Variants in EXOC6B observed in about 807,000 individuals in gnomAD.
EXOC6B encodes the protein exocyst complex component 6B, also known as SEC15 homolog B.
In EXOC6B, 54 loss-of-function variants were observed where a neutral mutation model predicts 113.5. That is an observed-to-expected ratio of 0.48 (90% CI 0.38 to 0.60). The LOEUF is 0.60. Among genes scored for constraint, EXOC6B ranks in the 20% least tolerant of loss-of-function variants. The pLI, the probability that EXOC6B is intolerant of heterozygous loss-of-function variation, is 0.00. For missense variants in EXOC6B, 797 were observed against 977.5 expected (o/e 0.82, Z 2.46); for synonymous variants, 357 against 339.0 (o/e 1.05, Z -0.58).
At chr2:72,536,589 G>A (rs1250468596) in intron 8 of EXOC6B, among the ~76,000 whole-genome samples, 1 of 152,090 alleles carries the variant, frequency 6.6e-6, no homozygotes, top group Admixed American at 6.5e-5. Flanking sequence ...CATTCCTCCA[G>A]TAATGAATAC....
At chr2:72,441,422 C>A (rs1696192368) in intron 18 of EXOC6B, among the ~76,000 whole-genome samples, 1 of 149,936 alleles carries the variant, frequency 6.7e-6, no homozygotes, top group Non-Finnish European at 1.5e-5. Context: ...GATAGAGAAC[C>A]AAAAAACCAT....
intron 20 of EXOC6B, among the ~76,000 whole-genome samples, chr2:72,210,247 A>G (rs1680104089): frequency 6.6e-6 from 1 of 152,232 alleles, no homozygotes; most frequent in South Asian, 2.1e-4. Context: ...TTAAGAAAGG[A>G]GAAAATACAA....
At chr2:72,460,972 T>C (rs540467678) in intron 18 of EXOC6B, among the ~76,000 whole-genome samples, 22 of 151,448 alleles carry the variant, frequency 1.5e-4, no homozygotes, top group African/African-American at 5.1e-4. Flanking sequence ...TGTCCAACAA[T>C]GATAGACTGG....
At position 72,648,234 on chromosome 2, in the gene EXOC6B, T is replaced by C. The variant is rs142639975; in HGVS notation, c.669+69869A>G. On this transcript the variant is annotated intron_variant, in intron 6 of 21. Transcript: ENST00000272427. ...GCAAATCAAAACCACAATGAAATAT[T>C]TTCTCACACCAGTTGGAATGGCGAT... Among the ~76,000 whole-genome samples the C allele has an allele frequency of 2.4e-3, 370 of 152,208 alleles. 1 individual carries two copies. Among genetic ancestry groups the C allele is most frequent in the African/African-American group, 8.5e-3 (352 of 41,550 alleles).
chr2:72,478,855 A>G (rs994754021), intron 17 of EXOC6B, among the ~76,000 whole-genome samples: 12 of 152,210 alleles, frequency 7.9e-5, no homozygotes, highest in African/African-American at 2.7e-4. Flanking sequence ...TTATCTACTT[A>G]ACACTGAACT....
chr2:72,448,919 G>T (rs899524905), intron 18 of EXOC6B, among the ~76,000 whole-genome samples: 1 of 152,184 alleles, frequency 6.6e-6, no homozygotes, highest in Admixed American at 6.5e-5. Context: ...TGGGCCGATA[G>T]AGAGTGTCAT....
chr2:72,669,985 G>C (rs1217732244), intron 6 of EXOC6B, among the ~76,000 whole-genome samples: 3 of 152,206 alleles, frequency 2.0e-5, no homozygotes, highest in Non-Finnish European at 4.4e-5. Flanking sequence ...TGAACTTACA[G>C]AAATGTAACA....
intron 18 of EXOC6B, among the ~76,000 whole-genome samples, chr2:72,456,637 C>T (rs1182949509): frequency 6.6e-6 from 1 of 152,140 alleles, no homozygotes; most frequent in South Asian, 2.1e-4. Flanking sequence ...AAGTACATAT[C>T]CTCCTTGAGT....
chr2:72,630,785 A>G (rs1399207714), intron 6 of EXOC6B, among the ~76,000 whole-genome samples: 1 of 152,248 alleles, frequency 6.6e-6, no homozygotes, highest in Non-Finnish European at 1.5e-5. Context: ...TAATTAAACA[A>G]TTAAATAGTA....
intron 1 of EXOC6B, among the ~76,000 whole-genome samples, chr2:72,761,714 T>A (rs1171948035): frequency 1.3e-5 from 2 of 152,198 alleles, no homozygotes; most frequent in African/African-American, 4.8e-5. Context: ...ATCTATTGAC[T>A]GAGAATTTAC....
intron 8 of EXOC6B, among the ~76,000 whole-genome samples, chr2:72,528,964 A>G (rs1701865901): frequency 1.3e-5 from 2 of 152,148 alleles, no homozygotes; most frequent in African/African-American, 4.8e-5. Context: ...AGGATTTTCA[A>G]TATAGACAAT....
chr2:72,328,328 C>T (rs780283575), intron 20 of EXOC6B, among the ~76,000 whole-genome samples: 5 of 151,870 alleles, frequency 3.3e-5, no homozygotes, highest in Non-Finnish European at 7.4e-5. Context: ...TGTGTATCTG[C>T]GTACAGCAGA....
chr2:72,553,642 TG>T (rs1703367683), intron 8 of EXOC6B, among the ~76,000 whole-genome samples: 1 of 152,012 alleles, frequency 6.6e-6, no homozygotes, highest in Non-Finnish European at 1.5e-5. Context: ...AATCACTAAG[TG>T]ACATACAGAT....
intron 20 of EXOC6B, among the ~76,000 whole-genome samples, chr2:72,306,579 G>A (rs1262994821): frequency 3.3e-5 from 5 of 151,972 alleles, no homozygotes; most frequent in South Asian, 2.1e-4. Flanking sequence ...AAATAGTAAC[G>A]GTGCAGCTAC....
chr2:72,707,089 C>T (rs971064858), intron 6 of EXOC6B, among the ~76,000 whole-genome samples: 21 of 152,174 alleles, frequency 1.4e-4, no homozygotes, highest in Non-Finnish European at 2.6e-4. Context: ...GCTGATACCC[C>T]AGACGTCTTG....
At chr2:72,650,458 G>T (rs561909884) in intron 6 of EXOC6B, among the ~76,000 whole-genome samples, 1 of 152,068 alleles carries the variant, frequency 6.6e-6, no homozygotes, top group Admixed American at 6.6e-5. Context: ...AAAACTAGCC[G>T]GGCATGGTGG....
chr2:72,598,882 T>C lies in EXOC6B; in HGVS notation c.670-23214A>G, dbSNP rs552799770. Among the ~76,000 whole-genome samples the C allele has an allele frequency of 2.6e-5, 4 of 152,210 alleles. No individual in the cohort carries two copies. The East Asian group carries it at 7.7e-4, about 29-fold the overall frequency. On this transcript the variant is annotated intron_variant, in intron 6 of 21. Transcript: ENST00000272427. ...GTAATTTAAATATATCTGTATCCCATATCTGTTAAACAAATTGAATTAATA... is the reference window on the plus strand; with the variant it reads ...GTAATTTAAATATATCTGTATCCCACATCTGTTAAACAAATTGAATTAATA...
intron 6 of EXOC6B, among the ~76,000 whole-genome samples, chr2:72,659,968 A>C (rs1674886606): frequency 6.6e-6 from 1 of 152,186 alleles, no homozygotes; most frequent in Non-Finnish European, 1.5e-5. Flanking sequence ...ATCCAAAAAC[A>C]GCAAAAGGTC....
chr2:72,614,011 T>A (rs1444641155), intron 6 of EXOC6B, among the ~76,000 whole-genome samples: 1 of 152,198 alleles, frequency 6.6e-6, no homozygotes, highest in Non-Finnish European at 1.5e-5. Flanking sequence ...TATCTACAGC[T>A]GCTTTCCACA....
Sources: allele counts gnomAD v4.1 joint callset (sites outside exome capture counted in the v4.1 genomes callset), GRCh38; gene constraint gnomAD v4.1.1; transcripts MANE v1.5; gene names NCBI Gene and HGNC (gene_info 2026-07-23, HGNC 2026-07-21).